Variants in SNED1 observed in about 807,000 individuals in gnomAD.
SNED1 encodes the protein sushi, nidogen and EGF like domains 1, also known as sushi, nidogen and EGF-like domain-containing protein 1.
In SNED1, 81 loss-of-function variants were observed where a neutral mutation model predicts 166.7. The observed-to-expected ratio is 0.49, with a 90% CI of 0.41 to 0.58. The LOEUF (loss-of-function observed/expected upper bound fraction) is 0.58, where lower values mean the gene tolerates loss of function less well. Among genes scored for constraint, SNED1 ranks in the 20% least tolerant of loss-of-function variants. The pLI is 0.00. For synonymous variants in SNED1, 762 were observed against 822.0 expected, an observed-to-expected ratio of 0.93 and a Z score of 1.25; for missense variants, 1,604 against 2,000.2, an observed-to-expected ratio of 0.80 and a Z score of 3.78.
In SNED1 at chr2:241,042,593, A is replaced by T. The variant is rs981717839; in HGVS notation, c.1273+2180A>T. On this transcript the variant is annotated intron_variant, in intron 8 of 31. Coordinates refer to ENST00000310397, the MANE Select transcript of SNED1 (RefSeq NM_001080437.3). ...GCACCAGAAATGACAGAATTAGCAG[A>T]TACAAATGTTTAATTATCTATTATG... Among the ~76,000 whole-genome samples the T allele has an allele frequency of 2.6e-5, 4 of 152,374 alleles. No individual in the cohort carries two copies. The East Asian group carries it at 7.7e-4, about 29-fold the overall frequency.
intron 1 of SNED1, among the ~76,000 whole-genome samples, chr2:241,007,766 G>A (rs1464668754): frequency 6.6e-6 from 1 of 152,142 alleles, no homozygotes; most frequent in Non-Finnish European, 1.5e-5. Context: ...ACTTTTCTGT[G>A]AAAACATGCT....
chr2:241,064,923 C>A lies in SNED1; in HGVS notation c.2679C>A (p.Cys893Ter). ...LASNGSHSCT[C>*]KVGYTGEDCA... is the part of the protein sequence containing the mutation. ...GCAACGGCTCCCACAGCTGCACCTG[C>A]AAAGTGGGCTACACGGGCGAGGACT... The change falls in exon 20 of 32, where the codon TGC (cysteine) becomes TGA (stop). Residue 893 changes from cysteine (C) to a stop codon, truncating the protein, a stop_gained. Transcript: ENST00000310397. LOFTEE classifies it high-confidence loss of function. This position sits in a 1 kb window ranked among gnomAD's most constrained non-coding sequence, Gnocchi z 7.0. 1 of 1,587,432 alleles carries A rather than the reference C, an allele frequency of 6.3e-7. No homozygotes were observed. Among genetic ancestry groups the A allele is most frequent in the Non-Finnish European group, 8.5e-7 (1 of 1,171,722 alleles).
intron 20 of SNED1, 127 bp from the exon 21 acceptor site, chr2:241,065,172 A>G: frequency 9.9e-7 from 1 of 1,006,138 alleles, no homozygotes; most frequent in Non-Finnish European, 1.5e-6. Context: ...GGGACAAAGA[A>G]GGACTCTGCC....
chr2:241,066,367 G>A (rs902868035), intron 21 of SNED1, among the ~76,000 whole-genome samples: 6 of 152,206 alleles, frequency 3.9e-5, no homozygotes, highest in Non-Finnish European at 8.8e-5. Context: ...CTAGAACATG[G>A]CAGTGGACGG....
chr2:241,010,728 C>G (rs537935082), intron 1 of SNED1: 1 of 152,514 alleles, frequency 6.6e-6, no homozygotes, highest in East Asian at 1.9e-4. Flanking sequence ...CTGTGTCCAA[C>G]GCAGAGCTTT....
chr2:241,035,202 G>A (rs1463044562), intron 4 of SNED1, among the ~76,000 whole-genome samples: 3 of 152,144 alleles, frequency 2.0e-5, no homozygotes, highest in Non-Finnish European at 2.9e-5. Context: ...CCACCCATGA[G>A]GCAGGTCCTC....
intron 3 of SNED1, 50 bp from the exon 4 acceptor site, chr2:241,034,518 G>T (rs780880469): frequency 1.3e-6 from 2 of 1,519,380 alleles, no homozygotes; most frequent in Non-Finnish European, 1.8e-6. Flanking sequence ...CCCCACCTCT[G>T]TAGACCTGGG....
chr2:241,008,604 G>A (rs1463251208), intron 1 of SNED1, among the ~76,000 whole-genome samples: 4 of 152,234 alleles, frequency 2.6e-5, no homozygotes, highest in Admixed American at 6.5e-5. Flanking sequence ...CATCATCTAC[G>A]GGGACCAGCC....
chr2:241,053,169 C>T lies in SNED1; in HGVS notation c.2100C>T (p.Pro700=). 3 of 1,610,668 alleles carry T rather than the reference C, an allele frequency of 1.9e-6. No homozygotes were observed. Among genetic ancestry groups the T allele is most frequent in the African/African-American group, 1.3e-5 (1 of 75,014 alleles). ...RRCQAEVDCG[P]PEEVKHATLR... is the part of the protein sequence containing the mutation. Reference sequence around the variant, plus strand: ...GCCTTGCAGAGGTGGACTGCGGCCCCCCGGAGGAGGTGAAGCACGCCACAC... The same window carrying T: ...GCCTTGCAGAGGTGGACTGCGGCCCTCCGGAGGAGGTGAAGCACGCCACAC... The change falls in exon 16 of 32, where the codon CCC becomes CCT. Residue 700 remains proline, a synonymous_variant. Transcript: ENST00000310397.
rs899233770 is a variant in SNED1 at position 241,064,344 on chromosome 2, G to A, written c.2599+219G>A. Among the ~76,000 whole-genome samples, 2 of 151,676 alleles carry A rather than the reference G, an allele frequency of 1.3e-5. No homozygotes were observed. The highest frequency in any genetic ancestry group is 2.1e-4 in the South Asian group (1 of 4,810). ...CCTTCTAAACCTCCCCATCTCCTGC[G>A]CTCACCCCCCAGACACCCCTCTTCA... On this transcript the variant is annotated intron_variant, in intron 19 of 31. Transcript: ENST00000310397. This position sits in a 1 kb window ranked among gnomAD's most constrained non-coding sequence, Gnocchi z 7.0.
chr2:241,086,564 T>C (rs1441328062), intron 29 of SNED1, among the ~76,000 whole-genome samples: 1 of 152,252 alleles, frequency 6.6e-6, no homozygotes, highest in East Asian at 1.9e-4. Flanking sequence ...TTGTCTGTTT[T>C]CTAACATCTG....
At position 240,999,335 on chromosome 2, in the gene SNED1, C is replaced by T. The variant is rs1379551821; in HGVS notation, c.213+285C>T. On this transcript the variant is annotated intron_variant, in intron 1 of 31. Coordinates refer to ENST00000310397, the MANE Select transcript of SNED1 (RefSeq NM_001080437.3). This position sits in a 1 kb window ranked among gnomAD's most constrained non-coding sequence, Gnocchi z 5.8. ...AGACCTGCCGAGCGCGTCTTCCCGGCGCCTGATTCCCAGGGGAGAGCAGGG... is the reference window on the plus strand; with the variant it reads ...AGACCTGCCGAGCGCGTCTTCCCGGTGCCTGATTCCCAGGGGAGAGCAGGG... Among the ~76,000 whole-genome samples, 1 of 151,990 alleles carries T rather than the reference C, an allele frequency of 6.6e-6. No individual in the cohort carries two copies. Among genetic ancestry groups the T allele is most frequent in the Non-Finnish European group, 1.5e-5 (1 of 67,944 alleles).
chr2:241,067,969 A>G lies in SNED1; in HGVS notation c.3194+22A>G, dbSNP rs201732235. ...TTAGGTAAGAAGGGACACCCAGAGC[A>G]TGGGGCTGGGGTGAAGGCAGGGGTG... On this transcript the variant is annotated intron_variant, in intron 22 of 31. Transcript: ENST00000310397. 3.0e-4 allele frequency: 400 copies of G among 1,319,254 alleles called. 1 individual carries two copies. The African/African-American group carries it at 5.3e-3, about 18-fold the overall frequency. 81.7% of individuals were successfully genotyped at this position (1,319,254 alleles called of 1,614,324 possible).
intron 8 of SNED1, among the ~76,000 whole-genome samples, chr2:241,040,706 A>G (rs2108487): frequency 0.2 from 30,780 of 152,100 alleles, 3,913 homozygotes; most frequent in African/African-American, 0.35. Context: ...CATCTGTGAA[A>G]TGCCAGGAGG....
intron 5 of SNED1, 71 bp from the exon 6 acceptor site, chr2:241,037,169 A>G (rs369093017): frequency 1.5e-6 from 2 of 1,341,248 alleles, no homozygotes; most frequent in African/African-American, 1.5e-5. Context: ...CCCCGGCCCA[A>G]CCCGAGCCCT....
intron 2 of SNED1, 106 bp from the exon 3 acceptor site, chr2:241,033,629 C>A: frequency 7.7e-7 from 1 of 1,304,582 alleles, no homozygotes; most frequent in South Asian, 1.6e-5. Context: ...ATTGAGCAAG[C>A]CAGGGGCCCA....
At chr2:241,014,692 T>A (rs564273185) in intron 1 of SNED1, among the ~76,000 whole-genome samples, 1 of 152,298 alleles carries the variant, frequency 6.6e-6, no homozygotes, top group East Asian at 1.9e-4. Context: ...TCTGCACTCG[T>A]TTCATCCTCT....
rs757862031 is a variant in SNED1, at chr2:241,065,341, A to G, written c.2756A>G (p.Glu919Gly). Residue 919 changes from glutamate (E) to glycine (G), a missense_variant, in exon 21 of 32, where the codon GAG becomes GGG. Coordinates refer to ENST00000310397, the MANE Select transcript of SNED1 (RefSeq NM_001080437.3). ...GCCCTCAAGATGGAGAGAGTGGAGG[A>G]GAGTGGGGTCTCTATCTCCTGGAAC... Reference protein sequence around the residue: ...PTALKMERVEESGVSISWNPP... With the variant: ...PTALKMERVEGSGVSISWNPP... 1 of 1,612,842 alleles carries G rather than the reference A, an allele frequency of 6.2e-7. No homozygotes were observed. The highest frequency in any genetic ancestry group is 8.5e-7 in the Non-Finnish European group (1 of 1,179,816).
chr2:241,088,565 C>A, intron 31 of SNED1, 163 bp downstream of exon 31: 1 of 631,066 alleles, frequency 1.6e-6, no homozygotes, highest in Non-Finnish European at 2.8e-6. Flanking sequence ...CAGGAAGGTT[C>A]AGAAGTCCCC....
Sources: allele counts gnomAD v4.1 joint callset (sites outside exome capture counted in the v4.1 genomes callset), GRCh38; gene constraint gnomAD v4.1.1; non-coding constraint Gnocchi (gnomAD v3.1); transcripts MANE v1.5; gene names NCBI Gene and HGNC (gene_info 2026-07-23, HGNC 2026-07-21).